DST: variants seen among roughly 807,000 people sequenced by gnomAD.
The protein encoded by DST is dystonin, also known as bullous pemphigoid antigen.
Under a neutral mutation model 875.2 loss-of-function variants are expected in DST, and 253 were observed. The ratio of observed to expected loss-of-function variants is 0.29; its 90% CI spans 0.26 to 0.32. DST has a LOEUF of 0.32. Among genes scored for constraint, DST ranks in the 10% least tolerant of loss-of-function variants. The pLI is 1.00. For missense variants in DST, 8,287 were observed against 9,111.6 expected (o/e 0.91, Z 3.68); for synonymous variants, 3,124 against 3,197.1 (o/e 0.98, Z 0.77).
At chr6:56,840,827 C>T (rs887089478) in intron 4 of DST, among the ~76,000 whole-genome samples, 8 of 152,168 alleles carry the variant, frequency 5.3e-5, no homozygotes, top group Admixed American at 2.6e-4. Flanking sequence ...TACAATTCTA[C>T]ATTTCTGACA....
chr6:56,822,379 G>T (rs997124068), intron 4 of DST, among the ~76,000 whole-genome samples: 11 of 152,318 alleles, frequency 7.2e-5, no homozygotes, highest in African/African-American at 2.4e-4. Flanking sequence ...GGGGGAGGCA[G>T]CAGTTCTCCC....
intron 49 of DST, among the ~76,000 whole-genome samples, chr6:56,581,600 G>A (rs2097996482): frequency 6.6e-6 from 1 of 152,238 alleles, no homozygotes; most frequent in Admixed American, 6.5e-5. Context: ...GTTTGACCCT[G>A]CATTTCTAAC....
chr6:56,627,441 C>A (rs549761233), intron 33 of DST, among the ~76,000 whole-genome samples, 154 bp from the exon 34 acceptor site: 46 of 152,294 alleles, frequency 3.0e-4, no homozygotes, highest in African/African-American at 1.1e-3. Flanking sequence ...GGGAAAATTA[C>A]AAACTTTCAG....
At position 56,603,629 on chromosome 6, in the gene DST, A is replaced by AG. The variant is rs1469854431; in HGVS notation, c.10875dup (p.Asp3627ArgfsTer8). 2 of 1,611,250 alleles carry AG rather than the reference A, an allele frequency of 1.2e-6. No homozygotes were observed. Among genetic ancestry groups the AG allele is most frequent in the Non-Finnish European group, 1.7e-6 (2 of 1,178,956 alleles). ...TTATCCAGAGATTCCTGGTTGTCTAAGGGGGGTTTCATATCTTGAAGCAAT... is the reference window on the plus strand; with the variant it reads ...TTATCCAGAGATTCCTGGTTGTCTAAGGGGGGGTTTCATATCTTGAAGCAAT... On this transcript the variant is annotated frameshift_variant, in exon 41 of 104. Transcript: ENST00000680361. LOFTEE classifies it high-confidence loss of function.
chr6:56,562,297 C>CTGAGTGTTGA, intron 55 of DST, 97 bp from the exon 56 acceptor site: 14 of 736,326 alleles, frequency 1.9e-5, no homozygotes, highest in South Asian at 2.8e-5. Flanking sequence ...ACAGTAATCA[C>CTGAGTGTTGA]ACATAAAACA....
At chr6:56,745,531 T>C (rs778447344) in intron 4 of DST, among the ~76,000 whole-genome samples, 18 of 152,004 alleles carry the variant, frequency 1.2e-4, no homozygotes, top group Non-Finnish European at 2.5e-4. Flanking sequence ...TTTAAAAATA[T>C]AGAAAATAAT....
At chr6:56,482,510 A>T in intron 89 of DST, 173 bp downstream of exon 89, 1 of 625,600 alleles carries the variant, frequency 1.6e-6, no homozygotes, top group Non-Finnish European at 2.6e-6. Flanking sequence ...GCAGTAATTT[A>T]AATTCATGAG....
chr6:56,628,861 T>C (rs2098755001), intron 32 of DST, among the ~76,000 whole-genome samples: 15 of 152,190 alleles, frequency 9.9e-5, no homozygotes, highest in Admixed American at 9.8e-4. Context: ...GGCATTTCCA[T>C]TTATTTACAT....
intron 5 of DST, among the ~76,000 whole-genome samples, chr6:56,718,063 T>C (rs2099401192): frequency 1.3e-5 from 2 of 150,622 alleles, no homozygotes; most frequent in South Asian, 4.2e-4. Context: ...GGCAACACAG[T>C]GAAACCTTGT....
rs530662020 is a variant in DST, at chr6:56,778,253, T to G, written c.626-42964A>C. Among the ~76,000 whole-genome samples the G allele has an allele frequency of 1.2e-4, 18 of 151,896 alleles. No homozygotes were observed. The East Asian group carries it at 1.7e-3, about 15-fold the overall frequency. On this transcript the variant is annotated intron_variant, in intron 4 of 103. Coordinates refer to ENST00000680361, the MANE Select transcript of DST (RefSeq NM_001374736.1). ...GAATTAGGATAAAAACAAATCAAAA[T>G]TGTCCAGGTTATCATGGTACAGAAC...
chr6:56,763,271 A>G (rs905270267), intron 4 of DST, among the ~76,000 whole-genome samples: 10 of 152,156 alleles, frequency 6.6e-5, no homozygotes, highest in African/African-American at 2.4e-4. Context: ...GCATTAATTC[A>G]TGCCTTCTCT....
chr6:56,462,791 AC>A (rs2094399545), intron 102 of DST, among the ~76,000 whole-genome samples: 1 of 152,226 alleles, frequency 6.6e-6, no homozygotes, highest in Non-Finnish European at 1.5e-5. Flanking sequence ...ACGAATGAGA[AC>A]AAAAAGGAGG....
chr6:56,810,524 A>T (rs185512016), intron 4 of DST, among the ~76,000 whole-genome samples: 136 of 152,256 alleles, frequency 8.9e-4, no homozygotes, highest in Non-Finnish European at 1.5e-4. Context: ...AGAACCTAAT[A>T]ATTTGCAAAT....
At chr6:56,775,376 T>A (rs1167260974) in intron 4 of DST, among the ~76,000 whole-genome samples, 1 of 152,220 alleles carries the variant, frequency 6.6e-6, no homozygotes, top group Non-Finnish European at 1.5e-5. Flanking sequence ...TATCTCTAAA[T>A]GGAACTGTGG....
intron 63 of DST, among the ~76,000 whole-genome samples, chr6:56,533,025 C>G (rs921435171): frequency 6.6e-6 from 1 of 152,148 alleles, no homozygotes; most frequent in Admixed American, 6.6e-5. Flanking sequence ...AAACGAGAGG[C>G]TCTTGGCTCC....
chr6:56,610,600 C>T (rs763330650), intron 38 of DST, 38 bp from the exon 39 acceptor site: 25 of 1,528,702 alleles, frequency 1.6e-5, no homozygotes, highest in African/African-American at 1.1e-4. Context: ...TAATGCAAGT[C>T]GTCCTCAAGA....
At chr6:56,598,113 C>T in intron 46 of DST, 107 bp from the exon 47 acceptor site, 1 of 1,087,478 alleles carries the variant, frequency 9.2e-7, no homozygotes. Context: ...AATGAGGGTA[C>T]TAAAAACTGA....
rs2096317057 is a variant in DST, at chr6:56,506,471, G to A, written c.19436C>T (p.Ala6479Val). The change falls in exon 77 of 104, where the codon GCT (alanine) becomes GTT (valine). Residue 6479 changes from alanine to valine, a missense_variant. This residue lies in a region of DST where 1,292 missense variants were observed against 1,552.7 expected (regional missense o/e 0.83). Transcript: ENST00000680361. ...RIDKLEEAMQ[A>V]AVQYQDGLQA... is the part of the protein sequence containing the mutation. ...CAGTCCATCCTGGTACTGAACGGCA[G>A]CCTGCATTGCCTCCTCAAGTTTGTC... 1 of 1,612,850 alleles carries A rather than the reference G, an allele frequency of 6.2e-7. No individual in the cohort carries two copies. The highest frequency in any genetic ancestry group is 8.5e-7 in the Non-Finnish European group (1 of 1,179,468).
chr6:56,818,942 G>A (rs538658618), intron 4 of DST, among the ~76,000 whole-genome samples: 1 of 152,162 alleles, frequency 6.6e-6, no homozygotes, highest in African/African-American at 2.4e-5. Flanking sequence ...TTAGCACTGG[G>A]TCTGACCCTG....
Sources: gnomAD v4.1 joint callset for allele counts (sites outside exome capture counted in the v4.1 genomes callset) on GRCh38, gnomAD v4.1.1 for gene constraint, gnomAD v4.1.1 regional missense constraint, MANE v1.5 for transcripts, NCBI Gene and HGNC (gene_info 2026-07-23, HGNC 2026-07-21) for gene names.